The following FAAP20 variants were observed in gnomAD, a reference collection of about 807,000 sequenced individuals.
FAAP20 encodes the protein FA core complex associated protein 20.
A neutral mutation model predicts 16.2 loss-of-function variants in FAAP20; 12 were observed. The observed-to-expected ratio is 0.74, with a 90% CI of 0.48 to 1.20. The LOEUF (loss-of-function observed/expected upper bound fraction) is 1.20. FAAP20 is among the 50% of genes most tolerant of loss of function. The pLI, the probability that FAAP20 is intolerant of heterozygous loss-of-function variation, is 0.00. For missense variants in FAAP20, 288 were observed against 245.8 expected, an observed-to-expected ratio of 1.17 and a Z score of -1.15; for synonymous variants, 141 against 110.7, an observed-to-expected ratio of 1.27 and a Z score of -1.72.
upstream of FAAP20, chr1:2,200,969 A>C (rs1414740048): frequency 8.2e-7 from 1 of 1,221,202 alleles, no homozygotes; most frequent in East Asian, 6.2e-5. Context: ...TTTTTATGGG[A>C]AATCTGCTGG....
chr1:2,187,779 C>T (rs542525712), downstream of FAAP20, among the ~76,000 whole-genome samples: 8 of 152,330 alleles, frequency 5.3e-5, no homozygotes, highest in Non-Finnish European at 7.3e-5. Context: ...CGTCGCCCCA[C>T]GCCCAGAGTT....
upstream of FAAP20, chr1:2,200,599 A>C (rs148412885): frequency 5.3e-4 from 514 of 978,316 alleles, 2 homozygotes; most frequent in African/African-American, 8.4e-3. Context: ...AACTGTGAGA[A>C]TATACATGTC....
At chr1:2,205,876 A>T (rs1016771537) in intron 3 of FAAP20, among the ~76,000 whole-genome samples, 2 of 152,142 alleles carry the variant, frequency 1.3e-5, no homozygotes, top group African/African-American at 4.8e-5. Flanking sequence ...TGCGCCCCCT[A>T]CCCGGGCCCC....
In FAAP20 at chr1:2,189,693, G is replaced by A. The variant is rs776745564; in HGVS notation, c.*16C>T. 2.5e-6 allele frequency: 4 copies of A among 1,606,882 alleles called. No homozygotes were observed. In the South Asian group the frequency reaches 3.3e-5, roughly 13 times the overall value. ...TGTCCGGGCGCCGCACTCTGCGCAG[G>A]GCTCTTGGATGGCGCTCACCACGTC... is the stretch of plus-strand genomic sequence containing the variant. On this transcript the variant is annotated 3_prime_UTR_variant, in exon 4 of 4. Transcript: ENST00000378546.
chr1:2,194,814 C>A, upstream of FAAP20: 3 of 1,087,060 alleles, frequency 2.8e-6, no homozygotes, highest in Non-Finnish European at 3.4e-6. Flanking sequence ...CCCGCCCCCG[C>A]CCCGGCCCCG....
At chr1:2,186,495 C>CA (rs1331159005), downstream of FAAP20, among the ~76,000 whole-genome samples, 2 of 117,390 alleles carry the variant, frequency 1.7e-5, no homozygotes, top group African/African-American at 6.4e-5. Flanking sequence ...CCTGGACACC[C>CA]GCCCCCCCCC....
chr1:2,192,992 A>G lies in FAAP20; in HGVS notation c.470+647T>C, dbSNP rs1450244469. 4 of 1,303,842 alleles carry G rather than the reference A, an allele frequency of 3.1e-6. No homozygotes were observed. The African/African-American group carries it at 6.1e-5, about 20-fold the overall frequency. 80.8% of individuals were successfully genotyped at this position (1,303,842 alleles called of 1,614,324 possible). ...TTTTTGCTTCTGGAAGACCAGGGGC[A>G]TCAGGCATGACTGAAGGACCTGGTC... On this transcript the variant is annotated intron_variant, in intron 3 of 3. Transcript: ENST00000378546.
intron 3 of FAAP20, chr1:2,191,229 G>C (rs1265007227): frequency 6.6e-6 from 1 of 152,578 alleles, no homozygotes; most frequent in Non-Finnish European, 1.5e-5. Flanking sequence ...GATGCCTTCA[G>C]ACCCCCGCCT....
At chr1:2,201,053 T>C (rs1244085164), upstream of FAAP20, 2 of 1,288,896 alleles carry the variant, frequency 1.6e-6, no homozygotes, top group South Asian at 1.2e-5. Flanking sequence ...AGCTCACCTG[T>C]GGCGCACAGG....
chr1:2,187,223 C>T (rs891432206), downstream of FAAP20: 3 of 466,926 alleles, frequency 6.4e-6, no homozygotes, highest in African/African-American at 6.0e-5. Context: ...TGGAAATGTT[C>T]ACATTATTAT....
chr1:2,203,468 C>T (rs186053138), upstream of FAAP20: 952 of 985,780 alleles, frequency 9.7e-4, no homozygotes, highest in Non-Finnish European at 1.1e-3. Context: ...CCAGCTCAGT[C>T]CAGCACAGGT....
Position 2,194,290 on chromosome 1 carries a change from G to A in FAAP20, c.63-157C>T, listed in dbSNP as rs1485348723. 4.2e-5 allele frequency: 36 copies of A among 859,026 alleles called. No individual in the cohort carries two copies. The African/African-American group carries it at 6.3e-4, about 15-fold the overall frequency. 53.2% of individuals were successfully genotyped at this position (859,026 alleles called of 1,614,324 possible). A position where few individuals can be genotyped will look rare whatever the true frequency, so the allele number is the denominator to read the frequency against. ...GGTGGCCGGCAGGGTTGGGGGAAGG[G>A]CTGCTGGGGCAGACAGTGCGGAGAT... is the stretch of plus-strand genomic sequence containing the variant. On this transcript the variant is annotated intron_variant, in intron 1 of 3. Transcript: ENST00000378546.
At chr1:2,185,673 A>T (rs79836022), downstream of FAAP20, among the ~76,000 whole-genome samples, 2,173 of 152,310 alleles carry the variant, frequency 0.014, 42 homozygotes, top group African/African-American at 0.05. Context: ...CGATGGGGGA[A>T]ATTGGATCAT....
downstream of FAAP20, chr1:2,207,521 G>C (rs1398573166): frequency 6.6e-6 from 1 of 152,268 alleles, no homozygotes; most frequent in Non-Finnish European, 1.5e-5. Flanking sequence ...ACTCGGCATC[G>C]GCCCTACCCG....
At chr1:2,201,073 G>C, upstream of FAAP20, 1 of 1,289,448 alleles carries the variant, frequency 7.8e-7, no homozygotes, top group Non-Finnish European at 1.0e-6. Flanking sequence ...GTTTCCACTT[G>C]TCATAGGAAA....
chr1:2,208,891 G>T (rs374482893), downstream of FAAP20, among the ~76,000 whole-genome samples: 1 of 152,206 alleles, frequency 6.6e-6, no homozygotes, highest in African/African-American at 2.4e-5. Flanking sequence ...CGCTTATTGG[G>T]CCCTCAGTTT....
upstream of FAAP20, chr1:2,198,645 G>A (rs1203369678): frequency 8.3e-7 from 1 of 1,203,508 alleles, no homozygotes; most frequent in African/African-American, 1.6e-5. Flanking sequence ...AATGAGACCT[G>A]TGGCCGACAG....
downstream of FAAP20, chr1:2,184,516 C>A: frequency 8.2e-7 from 1 of 1,216,456 alleles, no homozygotes; most frequent in Non-Finnish European, 1.2e-6. Flanking sequence ...GAAGTGCGTG[C>A]AAAACACTCA....
chr1:2,196,611 G>A (rs926791326), upstream of FAAP20, among the ~76,000 whole-genome samples: 1 of 148,954 alleles, frequency 6.7e-6, no homozygotes, highest in Non-Finnish European at 1.5e-5. This position sits in a 1 kb window ranked among gnomAD's most constrained non-coding sequence, Gnocchi z 4.5. Context: ...AGGCCAAGTC[G>A]GGAGGATCAC....
Sources: allele counts gnomAD v4.1 joint callset (sites outside exome capture counted in the v4.1 genomes callset), GRCh38; gene constraint gnomAD v4.1.1; non-coding constraint Gnocchi (gnomAD v3.1); transcripts MANE v1.5; gene names NCBI Gene and HGNC (gene_info 2026-07-23, HGNC 2026-07-21).